Variants in KIAA0825 observed in about 807,000 individuals in gnomAD.
The protein encoded by KIAA0825 is KIAA0825.
Under a neutral mutation model 147.6 loss-of-function variants are expected in KIAA0825, and 119 were observed. The observed-to-expected ratio is 0.81, with a 90% CI of 0.69 to 0.94. The LOEUF (loss-of-function observed/expected upper bound fraction) is 0.94. KIAA0825 is among the 40% of genes least tolerant of loss of function. The pLI, the probability that KIAA0825 is intolerant of heterozygous loss-of-function variation, is 0.00. For missense variants in KIAA0825, 1,381 were observed against 1,472.7 expected, an observed-to-expected ratio of 0.94 and a Z score of 1.02; for synonymous variants, 470 against 518.1, an observed-to-expected ratio of 0.91 and a Z score of 1.26.
intron 20 of KIAA0825, among the ~76,000 whole-genome samples, chr5:94,368,436 A>T (rs1746183584): frequency 6.6e-6 from 1 of 152,170 alleles, no homozygotes; most frequent in Admixed American, 6.5e-5. Flanking sequence ...GACCTCCCAA[A>T]GTTCTGGGAT....
At chr5:94,371,556 G>A (rs950641818) in intron 20 of KIAA0825, among the ~76,000 whole-genome samples, 1 of 152,064 alleles carries the variant, frequency 6.6e-6, no homozygotes, top group African/African-American at 2.4e-5. Flanking sequence ...AGCGAGGGGG[G>A]AAGCCCCTTA....
intron 20 of KIAA0825, among the ~76,000 whole-genome samples, chr5:94,167,657 G>A (rs1768171964): frequency 6.6e-6 from 1 of 152,012 alleles, no homozygotes; most frequent in African/African-American, 2.4e-5. Context: ...TAGGTAAAAG[G>A]AAATATACCC....
chr5:94,327,203 G>A (rs1780785632), intron 20 of KIAA0825, among the ~76,000 whole-genome samples: 1 of 152,028 alleles, frequency 6.6e-6, no homozygotes, highest in African/African-American at 2.4e-5. Flanking sequence ...AGGGGTGAGA[G>A]GTGGCTGAAT....
intron 5 of KIAA0825, among the ~76,000 whole-genome samples, chr5:94,511,544 C>T (rs1375222012): frequency 1.3e-5 from 2 of 152,178 alleles, no homozygotes; most frequent in Non-Finnish European, 2.9e-5. Context: ...TGCTTGAACC[C>T]GGGAGGCAGA....
intron 20 of KIAA0825, among the ~76,000 whole-genome samples, chr5:94,369,539 T>C (rs1032390606): frequency 1.3e-5 from 2 of 152,020 alleles, no homozygotes; most frequent in Non-Finnish European, 1.5e-5. Context: ...AGTGTGAGAA[T>C]GAGAGGATTG....
In KIAA0825 at chr5:94,241,935, T is replaced by G. The variant is rs553578209; in HGVS notation, c.3711-87811A>C. Reference sequence around the variant, plus strand: ...AAGCACTGCTTGAAATAAGGCAGTGTTTTTATTACCAGTAGATTGTTTTAC... The same window carrying G: ...AAGCACTGCTTGAAATAAGGCAGTGGTTTTATTACCAGTAGATTGTTTTAC... On this transcript the variant is annotated intron_variant, in intron 20 of 20. Transcript: ENST00000682413. Among the ~76,000 whole-genome samples, 29 of 152,362 alleles carry G rather than the reference T, an allele frequency of 1.9e-4. No homozygotes were observed. In the South Asian group the frequency reaches 6.0e-3, roughly 32 times the overall value.
chr5:94,426,052 A>AT (rs1415364646), intron 14 of KIAA0825, among the ~76,000 whole-genome samples: 11 of 150,290 alleles, frequency 7.3e-5, no homozygotes, highest in African/African-American at 2.4e-4. Context: ...TATTATTATT[A>AT]TAGAGAGAAG....
At chr5:94,203,083 A>G (rs954415383) in intron 20 of KIAA0825, among the ~76,000 whole-genome samples, 5 of 152,222 alleles carry the variant, frequency 3.3e-5, no homozygotes, top group African/African-American at 1.2e-4. Flanking sequence ...ATTATTCCTA[A>G]TGGAACTACA....
At chr5:94,242,647 T>C (rs956327233) in intron 20 of KIAA0825, among the ~76,000 whole-genome samples, 2 of 151,868 alleles carry the variant, frequency 1.3e-5, no homozygotes, top group African/African-American at 4.8e-5. Context: ...GCTTTTTCCT[T>C]TTTCTTCTTG....
At chr5:94,323,811 C>T (rs1306096792) in intron 20 of KIAA0825, among the ~76,000 whole-genome samples, 1 of 151,766 alleles carries the variant, frequency 6.6e-6, no homozygotes, top group East Asian at 1.9e-4. Context: ...AAAAAATGTA[C>T]CAAGAATTTA....
At chr5:94,419,441 C>T (rs17083674) in intron 14 of KIAA0825, among the ~76,000 whole-genome samples, 6,262 of 152,166 alleles carry the variant, frequency 0.041, 302 homozygotes, top group Admixed American at 0.13. Flanking sequence ...ATTCCTTATC[C>T]TGATTGAGGA....
At chr5:94,418,998 C>T (rs1018289177) in intron 14 of KIAA0825, among the ~76,000 whole-genome samples, 9 of 152,052 alleles carry the variant, frequency 5.9e-5, no homozygotes, top group Admixed American at 2.0e-4. Flanking sequence ...CACCAACAGC[C>T]TCGCAAGTAG....
In KIAA0825 at chr5:94,331,530, TG is replaced by T. The variant is rs1176494990; in HGVS notation, c.3710+52837del. Among the ~76,000 whole-genome samples, 7 of 152,294 alleles carry T rather than the reference TG, an allele frequency of 4.6e-5. 1 individual carries two copies. In the South Asian group the frequency reaches 1.4e-3, roughly 32 times the overall value. The stretch of plus-strand genomic sequence containing the variant: ...ATGCCATTTCTATGTAATCTCTTCC[TG>T]GAAATTAACGAAGAAACAATTTACT... On this transcript the variant is annotated intron_variant, in intron 20 of 20. Transcript: ENST00000682413.
intron 20 of KIAA0825, among the ~76,000 whole-genome samples, chr5:94,312,190 T>C (rs1017305296): frequency 6.6e-6 from 1 of 151,658 alleles, no homozygotes; most frequent in Admixed American, 6.6e-5. Flanking sequence ...GCATGTGATA[T>C]AGTTTGTTTA....
chr5:94,356,435 G>A (rs190765570), intron 20 of KIAA0825, among the ~76,000 whole-genome samples: 215 of 151,172 alleles, frequency 1.4e-3, no homozygotes, highest in African/African-American at 4.9e-3. Flanking sequence ...GTGAAACCCC[G>A]TCTCTACTAA....
At chr5:94,516,760 C>T (rs1482111923) in intron 5 of KIAA0825, among the ~76,000 whole-genome samples, 3 of 145,338 alleles carry the variant, frequency 2.1e-5, no homozygotes, top group African/African-American at 7.7e-5. Context: ...ACAGCACTCC[C>T]GCCTGGGCGA....
intron 20 of KIAA0825, among the ~76,000 whole-genome samples, chr5:94,169,494 A>G (rs1433645223): frequency 6.6e-6 from 1 of 151,570 alleles, no homozygotes; most frequent in East Asian, 1.9e-4. Flanking sequence ...AGGCGGGAGA[A>G]TCACTTGAGC....
At chr5:94,386,478 C>A in intron 18 of KIAA0825, 74 bp from the exon 19 acceptor site, 5 of 1,193,116 alleles carry the variant, frequency 4.2e-6, no homozygotes, top group Non-Finnish European at 4.7e-6. Context: ...TGATCAATAT[C>A]CAAATTTATC....
At chr5:94,304,628 G>A (rs1778610142) in intron 20 of KIAA0825, among the ~76,000 whole-genome samples, 1 of 151,766 alleles carries the variant, frequency 6.6e-6, no homozygotes, top group Non-Finnish European at 1.5e-5. Flanking sequence ...TCACAACAGA[G>A]GCCAAAGTGA....
Sources: allele counts gnomAD v4.1 joint callset (sites outside exome capture counted in the v4.1 genomes callset), GRCh38; gene constraint gnomAD v4.1.1; transcripts MANE v1.5; gene names NCBI Gene and HGNC (gene_info 2026-07-23, HGNC 2026-07-21).